Variants in EFCAB3 observed in about 807,000 individuals in gnomAD.
The protein encoded by EFCAB3 is EF-hand calcium binding domain 3.
EFCAB3 carries 36 observed loss-of-function variants against 42.2 expected under a neutral mutation model. The ratio of observed to expected loss-of-function variants is 0.85; its 90% confidence interval spans 0.65 to 1.13. EFCAB3 has a LOEUF of 1.13. Ranked by LOEUF, EFCAB3 falls within the 50% of genes most tolerant of loss-of-function variation. The probability of loss-of-function intolerance (pLI) is 0.00; values close to 1 mark genes in which losing one functional copy is unlikely to be tolerated. For missense variants in EFCAB3, 418 were observed against 505.1 expected, an observed-to-expected ratio of 0.83 and a Z score of 1.65; for synonymous variants, 170 against 172.8, an observed-to-expected ratio of 0.98 and a Z score of 0.13.
At chr17:62,395,247 C>T in intron 6 of EFCAB3, 59 bp downstream of exon 6, 2 of 1,592,392 alleles carry the variant, frequency 1.3e-6, no homozygotes, top group Non-Finnish European at 1.7e-6. Context: ...AAGATATTAA[C>T]ATGGCAGTCA....
intron 6 of EFCAB3, among the ~76,000 whole-genome samples, chr17:62,402,675 T>TG (rs1334496619): frequency 2.0e-5 from 3 of 152,366 alleles, no homozygotes; most frequent in Admixed American, 6.5e-5. Flanking sequence ...TTTGATGTGC[T>TG]GCTGGATTCG....
At chr17:62,405,633 C>T (rs747984945) in intron 6 of EFCAB3, among the ~76,000 whole-genome samples, 6 of 152,146 alleles carry the variant, frequency 3.9e-5, no homozygotes, top group African/African-American at 9.7e-5. Flanking sequence ...GTTCTGGCAG[C>T]AAGGAGGAAG....
chr17:62,378,923 C>T (rs8078622), upstream of EFCAB3, among the ~76,000 whole-genome samples: 6,158 of 144,234 alleles, frequency 0.043, 402 homozygotes, highest in African/African-American at 0.15. Context: ...TAAAGTATAA[C>T]AAAAAAAAAA....
intron 8 of EFCAB3, 51 bp from the exon 9 acceptor site, chr17:62,413,681 T>C (rs2070519179): frequency 7.1e-7 from 1 of 1,407,776 alleles, no homozygotes; most frequent in Non-Finnish European, 9.6e-7. Flanking sequence ...TTTTGTTGTA[T>C]AATTCAAATT....
At chr17:62,390,376 G>C (rs2070293123) in intron 3 of EFCAB3, among the ~76,000 whole-genome samples, 1 of 152,130 alleles carries the variant, frequency 6.6e-6, no homozygotes, top group Admixed American at 6.6e-5. Context: ...GAGAAAGGAA[G>C]ATCATGCAGG....
upstream of EFCAB3, among the ~76,000 whole-genome samples, chr17:62,378,751 C>T (rs2144051255): frequency 7.1e-6 from 1 of 141,016 alleles, no homozygotes; most frequent in South Asian, 2.3e-4. Context: ...GAACATCACA[C>T]ACCAGGGCCT....
chr17:62,389,410 C>G (rs2070283601), intron 3 of EFCAB3, among the ~76,000 whole-genome samples: 1 of 152,178 alleles, frequency 6.6e-6, no homozygotes, highest in Non-Finnish European at 1.5e-5. Context: ...GGGGCAGTCC[C>G]TCCAGGGCCA....
intron 6 of EFCAB3, among the ~76,000 whole-genome samples, chr17:62,400,987 G>A (rs564904497): frequency 2.6e-5 from 4 of 152,252 alleles, no homozygotes; most frequent in Non-Finnish European, 5.9e-5. Context: ...ATTCTAACTG[G>A]TGTGAGATGG....
intron 3 of EFCAB3, among the ~76,000 whole-genome samples, chr17:62,391,108 T>G (rs2070299082): frequency 1.3e-5 from 2 of 152,174 alleles, no homozygotes; most frequent in African/African-American, 4.8e-5. Flanking sequence ...CACAGTTCTA[T>G]AAGTCAGAAG....
rs753210326 is a variant in EFCAB3 at position 62,406,616 on chromosome 17, G to A, written c.625G>A (p.Ala209Thr). Residue 209 changes from alanine to threonine, a missense_variant, in exon 7 of 10, where the codon GCC becomes ACC. Transcript: ENST00000305286. ...SSSMAAFANA[A>T]RIAIMKEKDL... ...AAGCATGGCTGCCTTTGCTAATGCT[G>A]CCCGGATTGCAATAATGAAAGAAAA... 6.2e-7 allele frequency: 1 copy of A among 1,614,024 alleles called. No homozygotes were observed. Among genetic ancestry groups the A allele is most frequent in the Non-Finnish European group, 8.5e-7 (1 of 1,180,002 alleles).
At chr17:62,387,494 G>C in intron 3 of EFCAB3, 78 bp downstream of exon 3, 1 of 1,260,400 alleles carries the variant, frequency 7.9e-7, no homozygotes, top group Non-Finnish European at 1.1e-6. Flanking sequence ...AGAAAGATCT[G>C]AGATTTCAAG....
At chr17:62,386,713 C>T (rs1359800877) in intron 2 of EFCAB3, among the ~76,000 whole-genome samples, 3 of 152,150 alleles carry the variant, frequency 2.0e-5, no homozygotes, top group Non-Finnish European at 2.9e-5. Context: ...ATCTGTATAA[C>T]CTGAGACAAA....
At chr17:62,408,772 C>T (rs1339891338) in intron 8 of EFCAB3, among the ~76,000 whole-genome samples, 1 of 152,206 alleles carries the variant, frequency 6.6e-6, no homozygotes, top group Non-Finnish European at 1.5e-5. Flanking sequence ...GCTCACCATC[C>T]AGTGCATTCC....
At chr17:62,400,319 G>A (rs1330544736) in intron 6 of EFCAB3, among the ~76,000 whole-genome samples, 1 of 152,036 alleles carries the variant, frequency 6.6e-6, no homozygotes, top group Non-Finnish European at 1.5e-5. Flanking sequence ...ATGTTGGTGT[G>A]CTGCACCCAT....
At chr17:62,371,130 CAAG>C (rs2070111834) in intron 1 of EFCAB3, among the ~76,000 whole-genome samples, 1 of 151,272 alleles carries the variant, frequency 6.6e-6, no homozygotes, top group African/African-American at 2.4e-5. Flanking sequence ...GATTTTGGTT[CAAG>C]AATAGGGTAG....
chr17:62,384,960 A>G (rs1468272425), intron 2 of EFCAB3, among the ~76,000 whole-genome samples: 1 of 152,206 alleles, frequency 6.6e-6, no homozygotes, highest in Non-Finnish European at 1.5e-5. Context: ...CTGTAGGCTA[A>G]TGTAACTGTT....
intron 1 of EFCAB3, chr17:62,382,001 G>T: frequency 4.1e-6 from 1 of 246,176 alleles, no homozygotes; most frequent in South Asian, 5.6e-5. Flanking sequence ...CATGGGATTT[G>T]GTCTCTTTTA....
At position 62,392,089 on chromosome 17, in the gene EFCAB3, T is replaced by A. The variant is rs78364651; in HGVS notation, c.295+124T>A. On this transcript the variant is annotated intron_variant, in intron 4 of 9. Transcript: ENST00000305286. ...TTACTTGCCCCCCCAAATATATATATATTTGTGTGTATATATATATTTGTA... is the reference window on the plus strand; with the variant it reads ...TTACTTGCCCCCCCAAATATATATAAATTTGTGTGTATATATATATTTGTA... 6.5e-3 allele frequency: 4,092 copies of A among 626,184 alleles called. 133 individuals are homozygous for A. The African/African-American group carries it at 0.069, about 11-fold the overall frequency. 38.8% of individuals were successfully genotyped at this position (626,184 alleles called of 1,614,324 possible).
intron 6 of EFCAB3, among the ~76,000 whole-genome samples, chr17:62,398,513 A>ACC (rs1491215741): frequency 2.6e-4 from 33 of 126,386 alleles, no homozygotes; most frequent in East Asian, 1.7e-3. Flanking sequence ...AAAAAAAAAA[A>ACC]CAAAAAATTA....
Sources: allele counts gnomAD v4.1 joint callset (sites outside exome capture counted in the v4.1 genomes callset), GRCh38; gene constraint gnomAD v4.1.1; transcripts MANE v1.5; gene names NCBI Gene and HGNC (gene_info 2026-07-23, HGNC 2026-07-21).